The following RASA4B variants were observed in gnomAD, a reference collection of about 807,000 sequenced individuals.
RASA4B encodes the protein RAS p21 protein activator 4B.
Under a neutral mutation model 24.2 loss-of-function variants are expected in RASA4B, and 2 were observed. The observed-to-expected ratio is 0.08, with a 90% CI of 0.03 to 0.26. The LOEUF is 0.26. Ranked by LOEUF, RASA4B falls within the 10% of genes least tolerant of loss-of-function variation. RASA4B has a pLI of 1.00. For synonymous variants in RASA4B, 2 were observed against 125.6 expected (o/e 0.02, Z 6.58); for missense variants, 8 against 277.2 (o/e 0.03, Z 6.90).
intron 11 of RASA4B, among the ~76,000 whole-genome samples, chr7:102,495,724 GGGT>G (rs1799090107): frequency 3.8e-5 from 2 of 52,938 alleles, no homozygotes; most frequent in Admixed American, 2.3e-4. Context: ...GGGGGGGGGG[GGGT>G]GCGGGGCACG....
chr7:102,498,450 C>T (rs1261328795), intron 8 of RASA4B, among the ~76,000 whole-genome samples: 3 of 143,090 alleles, frequency 2.1e-5, no homozygotes, highest in South Asian at 2.2e-4. Context: ...TTAGTACAGA[C>T]GGGATTTCAC....
chr7:102,480,036 A>C lies in RASA4B; in HGVS notation c.*3556T>G, dbSNP rs1166925505. The stretch of plus-strand genomic sequence containing the variant: ...AATCCTCGCTCTACAATCATAACCT[A>C]GGAAACACCAGGCCATACAGAGATA... On this transcript the variant is annotated 3_prime_UTR_variant, in exon 21 of 21. Transcript: ENST00000465829. Among the ~76,000 whole-genome samples, 2 of 152,156 alleles carry C rather than the reference A, an allele frequency of 1.3e-5. No homozygotes were observed. Among genetic ancestry groups the C allele is most frequent in the Non-Finnish European group, 1.5e-5 (1 of 68,030 alleles).
At chr7:102,500,072 G>A (rs1799307107) in intron 8 of RASA4B, among the ~76,000 whole-genome samples, 1 of 6,002 alleles carries the variant, frequency 1.7e-4, no homozygotes. Flanking sequence ...AGGTTGCAGT[G>A]AGCCAAGATT....
In RASA4B at chr7:102,480,710, TATTCCATAAAC is replaced by T. The variant is rs1798594182; in HGVS notation, c.*2871_*2881del. Among the ~76,000 whole-genome samples the T allele has an allele frequency of 1.9e-5, 1 of 53,874 alleles. No homozygotes were observed. Among genetic ancestry groups the T allele is most frequent in the East Asian group, 3.2e-4 (1 of 3,118 alleles). 35.3% of individuals were successfully genotyped at this position (53,874 alleles called of 152,430 possible). Reference sequence around the variant, plus strand: ...AAATGCCTATATCATTTATCCTAAATATTCCATAAACATTCCACTATGTAGCTCTGAAAGAT... The same window carrying T: ...AAATGCCTATATCATTTATCCTAAATATTCCACTATGTAGCTCTGAAAGAT... On this transcript the variant is annotated 3_prime_UTR_variant, in exon 21 of 21. Transcript: ENST00000465829.
intron 8 of RASA4B, among the ~76,000 whole-genome samples, chr7:102,500,256 A>C (rs1799314425): frequency 1.2e-5 from 1 of 82,572 alleles, no homozygotes; most frequent in Non-Finnish European, 2.6e-5. Flanking sequence ...GTGGATCACA[A>C]GGTCAGGAGA....
chr7:102,515,142 T>C (rs1196790517), intron 1 of RASA4B, among the ~76,000 whole-genome samples: 2 of 105,820 alleles, frequency 1.9e-5, no homozygotes, highest in African/African-American at 5.2e-5. Flanking sequence ...ACTCAGAAGA[T>C]AGGCGGGGTG....
At chr7:102,510,651 G>A (rs1417335252) in intron 2 of RASA4B, among the ~76,000 whole-genome samples, 1 of 146,214 alleles carries the variant, frequency 6.8e-6, no homozygotes, top group East Asian at 2.0e-4. Flanking sequence ...GATTACAGAC[G>A]CCTGCCACCA....
At chr7:102,502,396 T>C (rs1363336154) in intron 6 of RASA4B, among the ~76,000 whole-genome samples, 1 of 42,534 alleles carries the variant, frequency 2.4e-5, no homozygotes, top group African/African-American at 5.1e-5. Flanking sequence ...TAAGAACTTA[T>C]GTAACCAAAC....
intron 4 of RASA4B, among the ~76,000 whole-genome samples, chr7:102,507,232 CAAAAAAAAAAA>C (rs766013501): frequency 0.02 from 235 of 12,030 alleles, no homozygotes; most frequent in African/African-American, 0.036. Flanking sequence ...GACCCCATCT[CAAAAAAAAAAA>C]AAAAAAAAAA....
intron 17 of RASA4B, among the ~76,000 whole-genome samples, chr7:102,489,570 G>A (rs1200911664): frequency 6.8e-6 from 1 of 147,048 alleles, no homozygotes; most frequent in Admixed American, 7.0e-5. Flanking sequence ...TCAGCTCACT[G>A]CAACCTCCAC....
intron 1 of RASA4B, among the ~76,000 whole-genome samples, chr7:102,512,704 G>C (rs186003609): frequency 6.0e-3 from 833 of 137,912 alleles, no homozygotes; most frequent in East Asian, 0.042. Flanking sequence ...GGAGACTGAG[G>C]GGGTGAGAGA....
chr7:102,486,367 CA>C (rs1256595958), intron 18 of RASA4B, among the ~76,000 whole-genome samples: 1 of 140,816 alleles, frequency 7.1e-6, no homozygotes, highest in Admixed American at 7.3e-5. Flanking sequence ...AAAACAAAAA[CA>C]AAAGAGTCAC....
At chr7:102,497,131 T>C (rs1362705709) in intron 8 of RASA4B, among the ~76,000 whole-genome samples, 167 bp from the exon 9 acceptor site, 1 of 147,296 alleles carries the variant, frequency 6.8e-6, no homozygotes, top group African/African-American at 2.5e-5. Context: ...CTGCCCGGGC[T>C]ATTTATTTTC....
intron 4 of RASA4B, among the ~76,000 whole-genome samples, chr7:102,507,547 T>C (rs1269770134): frequency 5.3e-5 from 8 of 151,612 alleles, no homozygotes; most frequent in Admixed American, 1.3e-4. Context: ...CTTGCTATGT[T>C]GCTCAGGCTG....
intron 9 of RASA4B, 34 bp downstream of exon 9, chr7:102,496,804 CCTACTGCCA>C (rs1799152062): frequency 1.2e-6 from 1 of 850,012 alleles, no homozygotes; most frequent in African/African-American, 1.6e-5. Flanking sequence ...GGCGCACAGG[CCTACTGCCA>C]CTGGACCCTC....
At chr7:102,498,618 C>T (rs1472891976) in intron 8 of RASA4B, among the ~76,000 whole-genome samples, 84 of 137,026 alleles carry the variant, frequency 6.1e-4, no homozygotes, top group African/African-American at 2.0e-3. Flanking sequence ...GGTGGGATCT[C>T]GGCTCACTGC....
chr7:102,497,215 C>T (rs1219658182), intron 8 of RASA4B, among the ~76,000 whole-genome samples: 19 of 151,230 alleles, frequency 1.3e-4, no homozygotes, highest in Non-Finnish European at 8.9e-5. Context: ...CTCCCTGCCA[C>T]CTCCAAGCTT....
intron 5 of RASA4B, among the ~76,000 whole-genome samples, chr7:102,506,402 A>G (rs1799509063): frequency 6.6e-6 from 1 of 152,016 alleles, no homozygotes; most frequent in Non-Finnish European, 1.5e-5. Context: ...GCCTGCCACC[A>G]TGCCCGGCTA....
At chr7:102,486,350 CAAAACA>C (rs1798729327) in intron 18 of RASA4B, among the ~76,000 whole-genome samples, 1 of 141,582 alleles carries the variant, frequency 7.1e-6, no homozygotes, top group African/African-American at 2.5e-5. Context: ...AGACCCAACT[CAAAACA>C]AAAACAAAAA....
Sources: allele counts gnomAD v4.1 joint callset (sites outside exome capture counted in the v4.1 genomes callset), GRCh38; gene constraint gnomAD v4.1.1; transcripts MANE v1.5; gene names NCBI Gene and HGNC (gene_info 2026-07-23, HGNC 2026-07-21).